GRIA4: variants seen among roughly 807,000 people sequenced by gnomAD.
The protein encoded by GRIA4 is glutamate receptor 4.
Under a neutral mutation model 104.0 loss-of-function variants are expected in GRIA4, and 34 were observed. The observed-to-expected ratio is 0.33, with a 90% CI of 0.25 to 0.44. The LOEUF is 0.44. Ranked by LOEUF, GRIA4 falls within the 20% of genes least tolerant of loss-of-function variation. GRIA4 has a pLI of 1.00. For synonymous variants in GRIA4, 386 were observed against 381.9 expected (o/e 1.01, Z -0.13); for missense variants, 750 against 1,096.5 (o/e 0.68, Z 4.46).
chr11:105,888,802 T>C (rs1946366274), intron 6 of GRIA4, among the ~76,000 whole-genome samples: 1 of 152,110 alleles, frequency 6.6e-6, no homozygotes, highest in African/African-American at 2.4e-5. Context: ...TGAACCATGA[T>C]TATATTGTGT....
At chr11:105,842,186 C>T (rs960744792) in intron 4 of GRIA4, among the ~76,000 whole-genome samples, 2 of 151,958 alleles carry the variant, frequency 1.3e-5, no homozygotes, top group African/African-American at 4.8e-5. Context: ...GGCAATGAAA[C>T]CAGTTTGACC....
At chr11:105,965,843 T>G in intron 14 of GRIA4, 1 of 825,976 alleles carries the variant, frequency 1.2e-6, no homozygotes, top group Non-Finnish European at 2.0e-6. Context: ...AATGAGAGGT[T>G]TATTTAGCGT....
intron 3 of GRIA4, among the ~76,000 whole-genome samples, chr11:105,705,390 T>C (rs1001248402): frequency 6.6e-6 from 1 of 152,064 alleles, no homozygotes; most frequent in African/African-American, 2.4e-5. Context: ...CTTCTCAAAA[T>C]CCAGAGGAGA....
chr11:105,846,116 A>G (rs1944583776), intron 4 of GRIA4, among the ~76,000 whole-genome samples: 1 of 152,228 alleles, frequency 6.6e-6, no homozygotes, highest in African/African-American at 2.4e-5. Flanking sequence ...ACAATTAATA[A>G]TAAGAAAAAT....
intron 3 of GRIA4, among the ~76,000 whole-genome samples, chr11:105,733,863 T>C (rs1181823911): frequency 6.6e-6 from 1 of 151,664 alleles, no homozygotes; most frequent in Non-Finnish European, 1.5e-5. Flanking sequence ...TATCACACTG[T>C]ACTGGGTTTT....
intron 6 of GRIA4, among the ~76,000 whole-genome samples, chr11:105,896,548 G>C (rs965206009): frequency 1.3e-5 from 2 of 151,892 alleles, no homozygotes; most frequent in African/African-American, 4.8e-5. Flanking sequence ...TAGGATTTTT[G>C]TATTTTCACA....
chr11:105,671,540 T>C (rs191276610), intron 3 of GRIA4, among the ~76,000 whole-genome samples: 2 of 151,546 alleles, frequency 1.3e-5, no homozygotes, highest in East Asian at 3.9e-4. Flanking sequence ...TAGCTGGGTG[T>C]GGTGGTAGGC....
At chr11:105,816,497 C>G (rs1034135594) in intron 4 of GRIA4, among the ~76,000 whole-genome samples, 3 of 152,154 alleles carry the variant, frequency 2.0e-5, no homozygotes, top group Non-Finnish European at 4.4e-5. Context: ...ACTCCTGTTT[C>G]ACCTTCTGCT....
intron 14 of GRIA4, among the ~76,000 whole-genome samples, chr11:105,965,116 A>G (rs902068545): frequency 1.3e-5 from 2 of 151,942 alleles, no homozygotes; most frequent in Admixed American, 6.6e-5. Context: ...CCATGACACT[A>G]TTTTTTAATC....
At chr11:105,694,964 C>A (rs1268518583) in intron 3 of GRIA4, among the ~76,000 whole-genome samples, 1 of 152,142 alleles carries the variant, frequency 6.6e-6, no homozygotes, top group Non-Finnish European at 1.5e-5. Context: ...CACAAAAAAT[C>A]TAAACAGATA....
intron 3 of GRIA4, among the ~76,000 whole-genome samples, chr11:105,678,141 T>A (rs764349668): frequency 1.2e-4 from 19 of 152,056 alleles, no homozygotes; most frequent in Non-Finnish European, 2.2e-4. Flanking sequence ...TATGCACTTT[T>A]AAAAAGATTG....
intron 4 of GRIA4, among the ~76,000 whole-genome samples, chr11:105,826,082 C>T (rs1014342803): frequency 5.9e-5 from 9 of 152,100 alleles, no homozygotes; most frequent in African/African-American, 1.9e-4. Context: ...CATACTCAGA[C>T]GTGTGTGTAT....
chr11:105,946,752 G>T (rs1314759097), intron 14 of GRIA4, among the ~76,000 whole-genome samples: 1 of 152,124 alleles, frequency 6.6e-6, no homozygotes, highest in African/African-American at 2.4e-5. Context: ...GATCTTGTGT[G>T]ACTCAAGTAG....
At chr11:105,880,750 G>A (rs1778561893) in intron 5 of GRIA4, among the ~76,000 whole-genome samples, 1 of 152,156 alleles carries the variant, frequency 6.6e-6, no homozygotes, top group African/African-American at 2.4e-5. Context: ...ATTAGCCTAT[G>A]TGAGACAGTA....
At chr11:105,876,085 C>T (rs1318274629) in intron 5 of GRIA4, among the ~76,000 whole-genome samples, 1 of 152,062 alleles carries the variant, frequency 6.6e-6, no homozygotes, top group Non-Finnish European at 1.5e-5. Flanking sequence ...ACTGCTTTAC[C>T]TGTGTCTCAG....
intron 4 of GRIA4, among the ~76,000 whole-genome samples, chr11:105,812,986 C>A (rs565007666): frequency 6.9e-6 from 1 of 144,320 alleles, no homozygotes. Context: ...CTGTAGTCCT[C>A]GGGAGGCTGA....
intron 4 of GRIA4, among the ~76,000 whole-genome samples, chr11:105,812,055 G>T (rs1251855020): frequency 2.0e-5 from 3 of 152,232 alleles, no homozygotes; most frequent in African/African-American, 7.2e-5. Flanking sequence ...AAGGCTGGGA[G>T]AGTGCGAGCA....
chr11:105,888,488 G>T (rs1361913133), intron 6 of GRIA4, among the ~76,000 whole-genome samples: 8 of 150,356 alleles, frequency 5.3e-5, no homozygotes, highest in Admixed American at 1.3e-4. Context: ...GGGTTTCACC[G>T]TTTTAGCCGG....
At chr11:105,860,499 A>G (rs1330714352) in intron 4 of GRIA4, among the ~76,000 whole-genome samples, 1 of 152,208 alleles carries the variant, frequency 6.6e-6, no homozygotes, top group Non-Finnish European at 1.5e-5. Flanking sequence ...ATGAGCTCAA[A>G]TAAGTGTTAG....
Sources: gnomAD v4.1 joint callset for allele counts (sites outside exome capture counted in the v4.1 genomes callset) on GRCh38, gnomAD v4.1.1 for gene constraint, MANE v1.5 for transcripts, NCBI Gene and HGNC (gene_info 2026-07-23, HGNC 2026-07-21) for gene names.